The following SEMA6D variants were observed in gnomAD, a reference collection of about 807,000 sequenced individuals.
SEMA6D encodes semaphorin-6D.
Under a neutral mutation model 106.6 loss-of-function variants are expected in SEMA6D, and 35 were observed. That is an observed-to-expected ratio of 0.33 (90% confidence interval 0.25 to 0.44). The LOEUF (loss-of-function observed/expected upper bound fraction) is 0.44, where lower values mean the gene tolerates loss of function less well. Among genes scored for constraint, SEMA6D ranks in the 20% least tolerant of loss-of-function variants. SEMA6D has a pLI of 1.00. For synonymous variants in SEMA6D, 499 were observed against 487.7 expected (o/e 1.02, Z -0.31); for missense variants, 1,185 against 1,345.9 (o/e 0.88, Z 1.87).
intron 3 of SEMA6D, among the ~76,000 whole-genome samples, chr15:47,497,785 TC>T (rs2043718415): frequency 6.6e-6 from 1 of 152,114 alleles, no homozygotes; most frequent in Non-Finnish European, 1.5e-5. Flanking sequence ...TACCATACTA[TC>T]ATTCAGCTAC....
At chr15:47,492,236 T>C (rs7173978) in intron 3 of SEMA6D, among the ~76,000 whole-genome samples, 9,810 of 152,148 alleles carry the variant, frequency 0.064, 889 homozygotes, top group African/African-American at 0.21. Context: ...GACTGAAAAA[T>C]AGATAAATCT....
At chr15:47,254,021 A>G (rs1164230138) in intron 1 of SEMA6D, among the ~76,000 whole-genome samples, 1 of 151,696 alleles carries the variant, frequency 6.6e-6, no homozygotes, top group Non-Finnish European at 1.5e-5. Context: ...GTCCTCTTCA[A>G]TTTCTTCCTT....
intron 1 of SEMA6D, among the ~76,000 whole-genome samples, chr15:47,749,453 G>T (rs142471725): frequency 6.6e-6 from 1 of 151,970 alleles, no homozygotes; most frequent in South Asian, 2.1e-4. Context: ...TTCAGTAATC[G>T]TAATAATATT....
At chr15:47,285,526 A>G (rs2142669777) in intron 1 of SEMA6D, among the ~76,000 whole-genome samples, 1 of 152,188 alleles carries the variant, frequency 6.6e-6, no homozygotes, top group Non-Finnish European at 1.5e-5. Context: ...TACTACAGGG[A>G]CAGACCCTGA....
chr15:47,275,957 G>A (rs62015678), intron 1 of SEMA6D, among the ~76,000 whole-genome samples: 2,622 of 152,174 alleles, frequency 0.017, 49 homozygotes, highest in African/African-American at 0.02. Context: ...ATATGAAAGC[G>A]AAACATTTTT....
At chr15:47,573,300 C>CA (rs112635043) in intron 3 of SEMA6D, among the ~76,000 whole-genome samples, 3,137 of 150,662 alleles carry the variant, frequency 0.021, 93 homozygotes, top group African/African-American at 0.067. Flanking sequence ...GTTTATTCTC[C>CA]AAAAAAAAAT....
intron 3 of SEMA6D, among the ~76,000 whole-genome samples, chr15:47,550,053 TGAGACACTG>T (rs1048576419): frequency 1.3e-5 from 2 of 152,220 alleles, no homozygotes; most frequent in African/African-American, 4.8e-5. Context: ...ATTGGCCTTT[TGAGACACTG>T]GAGAACATGT....
intron 1 of SEMA6D, among the ~76,000 whole-genome samples, chr15:47,201,778 T>C (rs1322017619): frequency 2.6e-5 from 4 of 152,148 alleles, no homozygotes; most frequent in Non-Finnish European, 5.9e-5. Context: ...TGCTGGACAA[T>C]TGATTTACAG....
intron 3 of SEMA6D, among the ~76,000 whole-genome samples, chr15:47,499,109 C>A (rs897063457): frequency 2.0e-5 from 3 of 152,104 alleles, no homozygotes; most frequent in African/African-American, 7.2e-5. Context: ...TAAATGATTT[C>A]ATGAGATTTT....
chr15:47,320,129 A>G (rs919690817), intron 1 of SEMA6D, among the ~76,000 whole-genome samples: 2 of 152,174 alleles, frequency 1.3e-5, no homozygotes, highest in African/African-American at 4.8e-5. Flanking sequence ...TCCTTACACC[A>G]GAAACCAAAG....
intron 1 of SEMA6D, among the ~76,000 whole-genome samples, chr15:47,277,235 A>T (rs2034861161): frequency 6.6e-6 from 1 of 152,162 alleles, no homozygotes; most frequent in Admixed American, 6.6e-5. Context: ...CTAGACTATT[A>T]TGCAAATACA....
intron 1 of SEMA6D, among the ~76,000 whole-genome samples, chr15:47,318,383 C>G (rs938438037): frequency 7.6e-6 from 1 of 132,280 alleles, no homozygotes; most frequent in Non-Finnish European, 1.6e-5. Flanking sequence ...CGTCATCTAG[C>G]ATTAGGTATA....
chr15:47,662,136 G>A (rs899421870), intron 4 of SEMA6D, among the ~76,000 whole-genome samples: 3 of 152,166 alleles, frequency 2.0e-5, no homozygotes, highest in Non-Finnish European at 4.4e-5. Flanking sequence ...ATGGAGGGCA[G>A]TAGGTTGCAG....
intron 3 of SEMA6D, among the ~76,000 whole-genome samples, chr15:47,567,712 T>C (rs1354958113): frequency 1.3e-5 from 2 of 152,210 alleles, no homozygotes; most frequent in Non-Finnish European, 2.9e-5. Context: ...TGCTTATTGC[T>C]TACTTCCTTG....
intron 2 of SEMA6D, among the ~76,000 whole-genome samples, chr15:47,450,290 A>G (rs1452147701): frequency 6.6e-6 from 1 of 152,062 alleles, no homozygotes. Flanking sequence ...TTCCAGACAT[A>G]CTCATTTATT....
intron 1 of SEMA6D, among the ~76,000 whole-genome samples, chr15:47,740,840 C>T (rs1247976996): frequency 6.6e-6 from 1 of 152,088 alleles, no homozygotes; most frequent in African/African-American, 2.4e-5. Flanking sequence ...AGGGAAGAGG[C>T]CTCTGACCAC....
intron 4 of SEMA6D, among the ~76,000 whole-genome samples, chr15:47,613,366 C>T (rs1284519469): frequency 1.3e-5 from 2 of 152,146 alleles, no homozygotes; most frequent in African/African-American, 2.4e-5. Flanking sequence ...CCCCTGTATG[C>T]ATCAATTTCC....
intron 3 of SEMA6D, among the ~76,000 whole-genome samples, chr15:47,477,308 A>G (rs909520919): frequency 3.3e-4 from 50 of 152,248 alleles, no homozygotes; most frequent in African/African-American, 1.1e-3. Context: ...GCTCATACAC[A>G]TTACCTTCTT....
intron 2 of SEMA6D, among the ~76,000 whole-genome samples, chr15:47,444,034 T>A (rs2041956148): frequency 6.6e-6 from 1 of 152,192 alleles, no homozygotes; most frequent in Non-Finnish European, 1.5e-5. Context: ...GTGAATCACC[T>A]ACCTTTAGAG....
Sources: allele counts gnomAD v4.1 joint callset (sites outside exome capture counted in the v4.1 genomes callset), GRCh38; gene constraint gnomAD v4.1.1; transcripts MANE v1.5; gene names NCBI Gene and HGNC (gene_info 2026-07-23, HGNC 2026-07-21).